The following TLN2 variants were observed in gnomAD, a reference collection of about 807,000 sequenced individuals.
The protein encoded by TLN2 is talin-2.
In TLN2, 118 loss-of-function variants were observed where a neutral mutation model predicts 294.7. The ratio of observed to expected loss-of-function variants is 0.40; its 90% CI spans 0.34 to 0.47. TLN2 has a LOEUF of 0.47. Ranked by LOEUF, TLN2 falls within the 20% of genes least tolerant of loss-of-function variation. The probability of loss-of-function intolerance (pLI) is 0.84; values close to 1 mark genes in which losing one functional copy is unlikely to be tolerated. For missense variants in TLN2, 3,083 were observed against 3,282.2 expected (o/e 0.94, Z 1.48); for synonymous variants, 1,431 against 1,304.5 (o/e 1.10, Z -2.09).
Position 62,439,466 on chromosome 15 carries a change from C to T in TLN2, c.-238+48781C>T, listed in dbSNP as rs1010343999. Among the ~76,000 whole-genome samples, 3 of 152,298 alleles carry T rather than the reference C, an allele frequency of 2.0e-5. 1 individual carries two copies. Among genetic ancestry groups the T allele is most frequent in the Admixed American group, 1.3e-4 (2 of 15,304 alleles). On this transcript the variant is annotated intron_variant, in intron 1 of 58. Coordinates refer to ENST00000636159, the MANE Select transcript of TLN2 (RefSeq NM_015059.3). Reference sequence around the variant, plus strand: ...TAGCTGGGACTACAGGTACCCACCACCACGCCCGGCTAATTTTTGTATTTT... The same window carrying T: ...TAGCTGGGACTACAGGTACCCACCATCACGCCCGGCTAATTTTTGTATTTT...
chr15:62,607,786 C>A (rs1596326501), intron 2 of TLN2, among the ~76,000 whole-genome samples: 1 of 152,136 alleles, frequency 6.6e-6, no homozygotes, highest in African/African-American at 2.4e-5. Flanking sequence ...TGCACATACA[C>A]CTCTCTTTCT....
intron 1 of TLN2, among the ~76,000 whole-genome samples, chr15:62,536,312 T>C (rs2041348071): frequency 6.6e-6 from 1 of 152,210 alleles, no homozygotes; most frequent in Admixed American, 6.5e-5. Flanking sequence ...TCTAGGATTC[T>C]CCCAAGGCAC....
intron 2 of TLN2, among the ~76,000 whole-genome samples, chr15:62,608,039 T>G (rs1199264161): frequency 6.6e-6 from 1 of 152,234 alleles, no homozygotes; most frequent in African/African-American, 2.4e-5. Context: ...TCTTTAATAC[T>G]TTGGCGTATC....
intron 2 of TLN2, among the ~76,000 whole-genome samples, chr15:62,616,727 C>T (rs971807620): frequency 1.1e-4 from 16 of 152,234 alleles, no homozygotes; most frequent in African/African-American, 3.1e-4. Context: ...AGAGCCTTTG[C>T]TGTCTCATCT....
intron 7 of TLN2, among the ~76,000 whole-genome samples, chr15:62,655,445 T>G (rs532892975): frequency 4.3e-4 from 66 of 152,148 alleles, no homozygotes; most frequent in Non-Finnish European, 7.6e-4. Context: ...CCTCCATACT[T>G]TCATTTTCTT....
In TLN2 at chr15:62,725,051, G is replaced by A; in HGVS notation, c.3202G>A (p.Asp1068Asn). ...TVQTLKNELQ[D>N]AKMAAVESQL... is the part of the protein sequence containing the mutation. ...GCAGACGCTTAAGAATGAACTGCAGGATGCCAAGATGGCAGCCGTGGAGAG... is the reference window on the plus strand; with the variant it reads ...GCAGACGCTTAAGAATGAACTGCAGAATGCCAAGATGGCAGCCGTGGAGAG... The change falls in exon 27 of 59, where the codon GAT (aspartate) becomes AAT (asparagine). Residue 1068 changes from aspartate to asparagine, a missense_variant. Physicochemically the swap from Asp to Asn is conservative, Grantham distance 23. Transcript: ENST00000636159. The A allele has an allele frequency of 2.5e-6, 4 of 1,613,310 alleles. No homozygotes were observed. The highest frequency in any genetic ancestry group is 3.4e-6 in the Non-Finnish European group (4 of 1,179,690).
intron 11 of TLN2, among the ~76,000 whole-genome samples, chr15:62,675,762 C>T (rs2056111992): frequency 6.6e-6 from 1 of 152,140 alleles, no homozygotes; most frequent in Non-Finnish European, 1.5e-5. Flanking sequence ...TTACGGCCTT[C>T]AGATCTGTTT....
In TLN2 at chr15:62,510,123, C is replaced by T. The variant is rs186307354; in HGVS notation, c.-237-79564C>T. 2.4e-4 allele frequency among the ~76,000 whole-genome samples: 36 copies of T among 152,290 alleles called. No individual in the cohort carries two copies. The East Asian group carries it at 5.0e-3, about 21-fold the overall frequency. On this transcript the variant is annotated intron_variant, in intron 1 of 58. Transcript: ENST00000636159. ...CTGGCAGCCTTAGTAAAGCATCTTG[C>T]AAAACGGGGGCTGGTAAGATGTGGT...
At chr15:62,673,094 G>GTC (rs2055646456) in intron 9 of TLN2, among the ~76,000 whole-genome samples, 1 of 150,580 alleles carries the variant, frequency 6.6e-6, no homozygotes, top group African/African-American at 2.4e-5. Flanking sequence ...GTGTGTGTGT[G>GTC]TGTGTCTGTG....
chr15:62,754,084 A>C, intron 36 of TLN2, 168 bp downstream of exon 36: 1 of 951,154 alleles, frequency 1.1e-6, no homozygotes, highest in Non-Finnish European at 1.4e-6. Flanking sequence ...ATATTGCAAA[A>C]TATGATGAAT....
chr15:62,492,561 GAA>G (rs922229986), intron 1 of TLN2, among the ~76,000 whole-genome samples: 1 of 134,454 alleles, frequency 7.4e-6, no homozygotes, highest in Non-Finnish European at 1.6e-5. Context: ...AAAAAAAAAA[GAA>G]AAAAAGAAAA....
At chr15:62,736,818 A>C in intron 28 of TLN2, 60 bp from the exon 29 acceptor site, 3 of 1,571,116 alleles carry the variant, frequency 1.9e-6, no homozygotes, top group Non-Finnish European at 2.6e-6. Flanking sequence ...GCTTATTCCT[A>C]AGTAAAATGT....
intron 50 of TLN2, 88 bp from the exon 51 acceptor site, chr15:62,805,512 A>T: frequency 7.3e-7 from 1 of 1,379,280 alleles, no homozygotes; most frequent in Non-Finnish European, 9.6e-7. Context: ...CAGTTTTCAG[A>T]CACAAGCTAC....
intron 1 of TLN2, among the ~76,000 whole-genome samples, chr15:62,566,155 AAC>A (rs1245382669): frequency 6.6e-6 from 1 of 152,136 alleles, no homozygotes; most frequent in Non-Finnish European, 1.5e-5. Context: ...TATCCCTGAG[AAC>A]ACACAGGTGT....
At chr15:62,507,941 T>A (rs2039712670) in intron 1 of TLN2, among the ~76,000 whole-genome samples, 1 of 152,186 alleles carries the variant, frequency 6.6e-6, no homozygotes, top group Non-Finnish European at 1.5e-5. Flanking sequence ...TTTGCATACT[T>A]TTTGGTATAT....
intron 42 of TLN2, among the ~76,000 whole-genome samples, chr15:62,773,115 G>A (rs888469140): frequency 1.8e-5 from 2 of 113,838 alleles, no homozygotes; most frequent in African/African-American, 6.7e-5. Context: ...AGTGCTGACT[G>A]TCTGTGCTCC....
chr15:62,776,651 G>T, intron 42 of TLN2, 113 bp from the exon 43 acceptor site: 1 of 1,017,304 alleles, frequency 9.8e-7, no homozygotes, highest in Non-Finnish European at 1.3e-6. Context: ...AGAATAGATC[G>T]CTGTGCTCCA....
At chr15:62,683,150 A>T (rs1343928995) in intron 11 of TLN2, 2 of 152,304 alleles carry the variant, frequency 1.3e-5, no homozygotes, top group Non-Finnish European at 2.9e-5. Flanking sequence ...CAGCTGGATC[A>T]TGGGGAGGAC....
chr15:62,582,195 T>TACACAGACACACAC (rs2045116855), intron 1 of TLN2, among the ~76,000 whole-genome samples: 1 of 66,474 alleles, frequency 1.5e-5, no homozygotes, highest in Non-Finnish European at 2.9e-5. Context: ...TGTGTATGCA[T>TACACAGACACACAC]ACACACACAC....
Sources: gnomAD v4.1 joint callset for allele counts (sites outside exome capture counted in the v4.1 genomes callset) on GRCh38, gnomAD v4.1.1 for gene constraint, MANE v1.5 for transcripts, NCBI Gene and HGNC (gene_info 2026-07-23, HGNC 2026-07-21) for gene names.